PRAG1: variants seen among roughly 807,000 people sequenced by gnomAD.
PRAG1 encodes PEAK1 related, kinase-activating pseudokinase 1.
A neutral mutation model predicts 95.6 loss-of-function variants in PRAG1; 110 were observed. That is an observed-to-expected ratio of 1.15 (90% CI 0.99 to 1.35). The LOEUF (loss-of-function observed/expected upper bound fraction) is 1.35, where lower values mean the gene tolerates loss of function less well. Ranked by LOEUF, PRAG1 falls within the 40% of genes most tolerant of loss-of-function variation. The probability of loss-of-function intolerance (pLI) is 0.00; values close to 1 mark genes in which losing one functional copy is unlikely to be tolerated. For synonymous variants in PRAG1, 1,052 were observed against 819.4 expected (o/e 1.28, Z -4.85); for missense variants, 2,554 against 1,864.7 (o/e 1.37, Z -6.81).
intron 4 of PRAG1, among the ~76,000 whole-genome samples, chr8:8,329,216 A>T (rs1444453270): frequency 6.6e-6 from 1 of 152,028 alleles, no homozygotes; most frequent in Non-Finnish European, 1.5e-5. Context: ...AACATGGTGA[A>T]ATCCCGTATC....
At chr8:8,371,797 C>A (rs764223541) in intron 3 of PRAG1, among the ~76,000 whole-genome samples, 1 of 152,098 alleles carries the variant, frequency 6.6e-6, no homozygotes. Context: ...CTGAGTCTGA[C>A]AAGTGGAGGC....
intron 2 of PRAG1, among the ~76,000 whole-genome samples, 169 bp downstream of exon 2, chr8:8,381,249 G>T (rs1291615193): frequency 6.6e-6 from 1 of 152,242 alleles, no homozygotes; most frequent in Non-Finnish European, 1.5e-5. Flanking sequence ...CAGAGAGAAA[G>T]GAGAGCAGCT....
At chr8:8,383,296 C>A (rs1018870123) in intron 1 of PRAG1, among the ~76,000 whole-genome samples, 1 of 152,150 alleles carries the variant, frequency 6.6e-6, no homozygotes, top group African/African-American at 2.4e-5. Context: ...TGAGGCCAGG[C>A]GCGGTGGCTC....
intron 3 of PRAG1, among the ~76,000 whole-genome samples, chr8:8,370,110 A>T (rs918169211): frequency 2.6e-5 from 4 of 152,260 alleles, no homozygotes; most frequent in African/African-American, 9.6e-5. Flanking sequence ...AAAATTAGAC[A>T]GAAAGTCTTA....
chr8:8,328,442 A>T lies in PRAG1; in HGVS notation c.2340T>A (p.Ala780=). 1.2e-6 allele frequency: 2 copies of T among 1,613,596 alleles called. No homozygotes were observed. Among genetic ancestry groups the T allele is most frequent in the Non-Finnish European group, 1.7e-6 (2 of 1,180,010 alleles). ...TCTTCCCGCTGTTGGTGGGCGAGTG[A>T]GCCAGCTCAGACGAGGGACCTGAAG... is the stretch of plus-strand genomic sequence containing the variant. ...CSDGGPSSEL[A]HSPTNSGKKL... Residue 780 remains alanine (A), a synonymous_variant, in exon 5 of 6, where the codon GCT becomes GCA. Transcript: ENST00000615670.
intron 4 of PRAG1, among the ~76,000 whole-genome samples, chr8:8,336,664 G>A (rs1291551606): frequency 1.3e-5 from 2 of 150,466 alleles, no homozygotes; most frequent in Middle Eastern, 3.2e-3. Flanking sequence ...AAGAGATTTC[G>A]ATTAGGTTTT....
At chr8:8,319,961 G>A (rs1377409637) in intron 5 of PRAG1, among the ~76,000 whole-genome samples, 3 of 152,226 alleles carry the variant, frequency 2.0e-5, no homozygotes, top group Non-Finnish European at 4.4e-5. Flanking sequence ...AGGATGAGCA[G>A]AAATGGGAAA....
chr8:8,334,954 C>T (rs2117133744), intron 4 of PRAG1, among the ~76,000 whole-genome samples: 1 of 151,930 alleles, frequency 6.6e-6, no homozygotes, highest in South Asian at 2.1e-4. Flanking sequence ...TGGTGGCGCG[C>T]ATGCAGTCCT....
chr8:8,369,524 C>T (rs937660217), intron 3 of PRAG1, among the ~76,000 whole-genome samples: 1 of 152,092 alleles, frequency 6.6e-6, no homozygotes, highest in Non-Finnish European at 1.5e-5. Context: ...AGTCAGGTGC[C>T]TTTCTGGAAA....
chr8:8,377,655 C>G lies in PRAG1; in HGVS notation c.754G>C (p.Glu252Gln). ...CAGCAGTCCAGGATGGAGCAGTACTCTCCACCCTCGCTGTCCCCGGAGGGC... is the reference window on the plus strand; with the variant it reads ...CAGCAGTCCAGGATGGAGCAGTACTGTCCACCCTCGCTGTCCCCGGAGGGC... ...CSPSGDSEGG[E>Q]YCSILDCCPG... The change falls in exon 3 of 6, where the codon GAG (glutamate) becomes CAG (glutamine). Residue 252 changes from glutamate (E) to glutamine (Q), a missense_variant. Coordinates refer to ENST00000615670, the MANE Select transcript of PRAG1 (RefSeq NM_001080826.3). 1 of 1,613,760 alleles carries G rather than the reference C, an allele frequency of 6.2e-7. No individual in the cohort carries two copies.
At chr8:8,382,516 G>C (rs969779929) in intron 1 of PRAG1, among the ~76,000 whole-genome samples, 1 of 152,280 alleles carries the variant, frequency 6.6e-6, no homozygotes, top group East Asian at 1.9e-4. Flanking sequence ...CACAATGCTG[G>C]GTGTTATAGG....
At position 8,330,201 on chromosome 8, in the gene PRAG1, AC is replaced by A. The variant is rs374147705; in HGVS notation, c.2321-1741del. On this transcript the variant is annotated intron_variant, in intron 4 of 5. Transcript: ENST00000615670. The stretch of plus-strand genomic sequence containing the variant: ...GGCAAAATGGCGAACCCCCAACTCT[AC>A]AAAAGATACAAAAATTAGCTGGGCG... 3.7e-3 allele frequency among the ~76,000 whole-genome samples: 569 copies of A among 152,284 alleles called. 4 individuals carry two copies. Among genetic ancestry groups the A allele is most frequent in the Non-Finnish European group, 5.4e-3 (366 of 68,010 alleles).
At chr8:8,353,161 A>T (rs1196674690) in intron 3 of PRAG1, among the ~76,000 whole-genome samples, 1 of 152,234 alleles carries the variant, frequency 6.6e-6, no homozygotes, top group African/African-American at 2.4e-5. Context: ...TGATAGATCA[A>T]CCAGACAGAA....
intron 5 of PRAG1, among the ~76,000 whole-genome samples, chr8:8,322,590 G>A (rs1322526196): frequency 2.0e-5 from 3 of 152,124 alleles, no homozygotes. Context: ...CGCTGGACAT[G>A]CCTCATGCTA....
At chr8:8,356,785 CT>C (rs1433655746) in intron 3 of PRAG1, among the ~76,000 whole-genome samples, 1 of 152,124 alleles carries the variant, frequency 6.6e-6, no homozygotes, top group Non-Finnish European at 1.5e-5. Context: ...GATTTCAAAA[CT>C]GATACAAAAC....
At position 8,349,266 on chromosome 8, in the gene PRAG1, C is replaced by CTATCTATTTATTTATT. The variant is rs538351197; in HGVS notation, c.2163-9632_2163-9631insAATAAATAAATAGATA. Among the ~76,000 whole-genome samples, 851 of 149,334 alleles carry CTATCTATTTATTTATT rather than the reference C, an allele frequency of 5.7e-3. 8 individuals are homozygous for CTATCTATTTATTTATT. The highest frequency in any genetic ancestry group is 0.02 in the African/African-American group (800 of 40,266). On this transcript the variant is annotated intron_variant, in intron 3 of 5. Coordinates refer to ENST00000615670, the MANE Select transcript of PRAG1 (RefSeq NM_001080826.3). Reference sequence around the variant, plus strand: ...AGGTTTCTATTATTTATCTATCTATCTATTTATTTATTTATTTATTTATTT... The same window carrying CTATCTATTTATTTATT: ...AGGTTTCTATTATTTATCTATCTATCTATCTATTTATTTATTTATTTATTTATTTATTTATTTATTT...
In PRAG1 at chr8:8,328,022, G is replaced by C; in HGVS notation, c.2760C>G (p.Ser920=). The C allele has an allele frequency of 6.3e-7, 1 of 1,583,550 alleles. No homozygotes were observed. The highest frequency in any genetic ancestry group is 8.6e-7 in the Non-Finnish European group (1 of 1,164,034). The change falls in exon 5 of 6, where the codon TCC becomes TCG. Residue 920 remains serine, a synonymous_variant. Transcript: ENST00000615670. ...CTTGACTGGACACGCTCAGCTGGGA[G>C]GATGAGGCGGAGGGGGCCCCTTTGC... is the stretch of plus-strand genomic sequence containing the variant. ...LQCKGAPSAS[S]SQLSVSSQAS... is the part of the protein sequence containing the mutation.
chr8:8,382,565 A>C (rs1167071595), intron 1 of PRAG1, among the ~76,000 whole-genome samples: 1 of 152,246 alleles, frequency 6.6e-6, no homozygotes, highest in Non-Finnish European at 1.5e-5. Flanking sequence ...ATTCATGGTC[A>C]AAGGTGGCTG....
At position 8,319,204 on chromosome 8, in the gene PRAG1, C is replaced by T. The variant is rs1798395274; in HGVS notation, c.3171G>A (p.Ser1057=). 6.3e-7 allele frequency: 1 copy of T among 1,588,916 alleles called. No homozygotes were observed. The highest frequency in any genetic ancestry group is 1.3e-5 in the African/African-American group (1 of 74,406). ...IQQDCGHFVA[S]VPSSMLSSPD... is the part of the protein sequence containing the mutation. ...GGGAGCTGAGCATGCTGGACGGCAC[C>T]GAGGCGACGAAGTGGCCGCAGTCCT... Residue 1057 remains serine, a synonymous_variant, in exon 6 of 6, where the codon TCG becomes TCA. Coordinates refer to ENST00000615670, the MANE Select transcript of PRAG1 (RefSeq NM_001080826.3).
Sources: gnomAD v4.1 joint callset for allele counts (sites outside exome capture counted in the v4.1 genomes callset) on GRCh38, gnomAD v4.1.1 for gene constraint, MANE v1.5 for transcripts, NCBI Gene and HGNC (gene_info 2026-07-23, HGNC 2026-07-21) for gene names.